The following PDE8B variants were observed in gnomAD, a reference collection of about 807,000 sequenced individuals.
PDE8B encodes high affinity cAMP-specific and IBMX-insensitive 3',5'-cyclic phosphodiesterase 8B.
A neutral mutation model predicts 101.3 loss-of-function variants in PDE8B; 26 were observed. The observed-to-expected ratio is 0.26, with a 90% CI of 0.19 to 0.36. The LOEUF (loss-of-function observed/expected upper bound fraction) is 0.36. PDE8B is among the 10% of genes least tolerant of loss of function. The probability of loss-of-function intolerance (pLI) is 1.00; values close to 1 mark genes in which losing one functional copy is unlikely to be tolerated. For synonymous variants in PDE8B, 424 were observed against 429.3 expected (o/e 0.99, Z 0.15); for missense variants, 810 against 1,163.1 (o/e 0.70, Z 4.42).
At chr5:77,169,836 C>A in the PDE8B span, among the ~76,000 whole-genome samples, 1 of 152,136 alleles carries the variant, frequency 6.6e-6, no homozygotes, top group Non-Finnish European at 1.5e-5. Flanking sequence ...TCAAACTGTG[C>A]CGACCCTGTG....
chr5:77,409,569 A>AG (rs1270434265), intron 14 of PDE8B, among the ~76,000 whole-genome samples: 1 of 152,168 alleles, frequency 6.6e-6, no homozygotes, highest in East Asian at 1.9e-4. Context: ...AGGGAGGGGA[A>AG]GGGGAGAAGG....
At chr5:77,393,941 C>G (rs931911418) in intron 10 of PDE8B, among the ~76,000 whole-genome samples, 2 of 152,192 alleles carry the variant, frequency 1.3e-5, no homozygotes, top group Non-Finnish European at 2.9e-5. Context: ...AAGTCAATGT[C>G]AATTCCTCAA....
chr5:77,414,242 A>G (rs961743852), intron 17 of PDE8B, among the ~76,000 whole-genome samples: 2 of 152,196 alleles, frequency 1.3e-5, no homozygotes, highest in African/African-American at 2.4e-5. Flanking sequence ...CAGCATCCTG[A>G]TATTTATTCA....
At chr5:77,182,409 A>G in the PDE8B span, among the ~76,000 whole-genome samples, 1 of 152,142 alleles carries the variant, frequency 6.6e-6, no homozygotes, top group Non-Finnish European at 1.5e-5. Flanking sequence ...ACTGGGAAGG[A>G]TCTCACATAG....
rs1261352072 is a variant in PDE8B at position 77,376,682 on chromosome 5, GAC to G, written c.1167+23282_1167+23283del. Among the ~76,000 whole-genome samples the G allele has an allele frequency of 2.6e-5, 4 of 152,098 alleles. No individual in the cohort carries two copies. The East Asian group carries it at 5.8e-4, about 22-fold the overall frequency. ...ATGAACAGCATTTTCAGAACCTTAG[GAC>G]ACACAGTGATAAAACTGTTTTACAT... On this transcript the variant is annotated intron_variant, in intron 10 of 21. Transcript: ENST00000264917.
intron 1 of PDE8B, among the ~76,000 whole-genome samples, chr5:77,225,221 C>T (rs1410837570): frequency 1.3e-5 from 2 of 152,160 alleles, no homozygotes; most frequent in Non-Finnish European, 2.9e-5. Context: ...AGGGCAAATG[C>T]TTGATTCTAC....
At chr5:77,251,214 A>G (rs1463401300) in intron 1 of PDE8B, among the ~76,000 whole-genome samples, 1 of 152,204 alleles carries the variant, frequency 6.6e-6, no homozygotes, top group Non-Finnish European at 1.5e-5. Flanking sequence ...TATTGCTGCT[A>G]AGAAGTGGCA....
At chr5:77,160,859 C>T in the PDE8B span, among the ~76,000 whole-genome samples, 3 of 152,002 alleles carry the variant, frequency 2.0e-5, no homozygotes, top group Admixed American at 2.0e-4. Flanking sequence ...CCCTATGTTG[C>T]CCAGGCTGGT....
chr5:77,245,534 A>G (rs1227412743), intron 1 of PDE8B, among the ~76,000 whole-genome samples: 1 of 152,220 alleles, frequency 6.6e-6, no homozygotes, highest in East Asian at 1.9e-4. Flanking sequence ...CTTAGAGTTC[A>G]GAGAATGAAG....
At position 77,420,005 on chromosome 5, in the gene PDE8B, G is replaced by C. The variant is rs1796304856; in HGVS notation, c.2250+118G>C. On this transcript the variant is annotated intron_variant, in intron 19 of 21. Coordinates refer to ENST00000264917, the MANE Select transcript of PDE8B (RefSeq NM_003719.5). Reference sequence around the variant, plus strand: ...GTAAGGTGGTTATTTACTTGGAGTTGATAAAGGGCTGAAAGGACTGGCCAC... The same window carrying C: ...GTAAGGTGGTTATTTACTTGGAGTTCATAAAGGGCTGAAAGGACTGGCCAC... 6 of 1,201,504 alleles carry C rather than the reference G, an allele frequency of 5.0e-6. No homozygotes were observed. In the East Asian group the frequency reaches 9.8e-5, roughly 20 times the overall value. The allele number at this position is 1,201,504 out of a possible 1,614,324, so 74.4% of individuals were successfully genotyped here.
chr5:77,400,106 T>C, intron 10 of PDE8B, 142 bp from the exon 11 acceptor site: 1 of 672,062 alleles, frequency 1.5e-6, no homozygotes, highest in Non-Finnish European at 2.7e-6. Flanking sequence ...GTGTATGTCT[T>C]TCATCTGTTC....
chr5:77,353,067 C>T (rs138365490), intron 9 of PDE8B, among the ~76,000 whole-genome samples: 2 of 152,280 alleles, frequency 1.3e-5, no homozygotes, highest in African/African-American at 4.8e-5. Flanking sequence ...CTGAAGATAT[C>T]TAGGAACCAA....
rs578114754 is a variant in PDE8B, at chr5:77,290,991, C to T, written c.340-21003C>T. ...GGCCAAAGATGAACGAGTGAACCTG[C>T]TGTCCTTCACCGGGAGCACTCAGGT... On this transcript the variant is annotated intron_variant, in intron 1 of 21. Transcript: ENST00000264917. 103 of 1,612,012 alleles carry T rather than the reference C, an allele frequency of 6.4e-5. No individual in the cohort carries two copies. In the African/African-American group the frequency reaches 1.3e-3, roughly 20 times the overall value.
At chr5:77,315,717 G>T (rs1008436498) in intron 2 of PDE8B, among the ~76,000 whole-genome samples, 1 of 152,098 alleles carries the variant, frequency 6.6e-6, no homozygotes, top group Admixed American at 6.6e-5. Context: ...ATACTTGCTG[G>T]TATTTTGAGT....
chr5:77,124,240 G>C, the PDE8B span, among the ~76,000 whole-genome samples: 1 of 152,140 alleles, frequency 6.6e-6, no homozygotes, highest in African/African-American at 2.4e-5. Context: ...ACAAGACTCA[G>C]ACCCAGAAAC....
intron 5 of PDE8B, among the ~76,000 whole-genome samples, chr5:77,336,385 A>G (rs1251417813): frequency 1.3e-5 from 2 of 152,170 alleles, no homozygotes; most frequent in African/African-American, 4.8e-5. Flanking sequence ...GGTCACTCCT[A>G]GTCCTCCTCC....
the PDE8B span, among the ~76,000 whole-genome samples, chr5:77,102,294 C>T: frequency 2.9e-4 from 44 of 152,212 alleles, no homozygotes; most frequent in East Asian, 8.1e-3. Flanking sequence ...TTCCTGTCTG[C>T]ACAAGAATTG....
chr5:77,413,441 C>T, intron 17 of PDE8B, 132 bp downstream of exon 17: 1 of 749,764 alleles, frequency 1.3e-6, no homozygotes, highest in Non-Finnish European at 2.2e-6. Flanking sequence ...AATTTTGTTA[C>T]CAAATTGACT....
chr5:77,315,797 G>A (rs532502801), intron 2 of PDE8B, among the ~76,000 whole-genome samples: 33 of 152,244 alleles, frequency 2.2e-4, no homozygotes, highest in African/African-American at 7.2e-4. Flanking sequence ...TTATCATTAC[G>A]TAGTGTCCTA....
Sources: gnomAD v4.1 joint callset for allele counts (sites outside exome capture counted in the v4.1 genomes callset) on GRCh38, gnomAD v4.1.1 for gene constraint, MANE v1.5 for transcripts, NCBI Gene and HGNC (gene_info 2026-07-23, HGNC 2026-07-21) for gene names.